Variants in EED observed in about 807,000 individuals in gnomAD.
EED encodes embryonic ectoderm development, also known as polycomb protein EED.
EED carries 9 observed loss-of-function variants against 61.0 expected under a neutral mutation model. The ratio of observed to expected loss-of-function variants is 0.15; its 90% confidence interval spans 0.09 to 0.26. The LOEUF (loss-of-function observed/expected upper bound fraction) is 0.26. EED is among the 10% of genes least tolerant of loss of function. The pLI is 1.00. For missense variants in EED, 315 were observed against 542.3 expected (o/e 0.58, Z 4.16); for synonymous variants, 187 against 174.4 (o/e 1.07, Z -0.57).
At chr11:86,283,689 C>T (rs61904289), downstream of EED, among the ~76,000 whole-genome samples, 35,169 of 151,828 alleles carry the variant, frequency 0.23, 5,222 homozygotes, top group Non-Finnish European at 0.32. Flanking sequence ...ATTCAACGGA[C>T]GGGTTAGATT....
intron 9 of EED, among the ~76,000 whole-genome samples, chr11:86,268,839 A>C (rs959647355): frequency 6.6e-6 from 1 of 152,152 alleles, no homozygotes; most frequent in Admixed American, 6.5e-5. Flanking sequence ...GATAGTCAGT[A>C]TTGTTACAAG....
At chr11:86,251,126 A>G (rs1945520792) in intron 2 of EED, among the ~76,000 whole-genome samples, 1 of 152,074 alleles carries the variant, frequency 6.6e-6, no homozygotes, top group South Asian at 2.1e-4. Flanking sequence ...ATACATATGT[A>G]AGTTAAAACC....
At chr11:86,265,836 A>T (rs547620796) in intron 7 of EED, 1 of 254,912 alleles carries the variant, frequency 3.9e-6, no homozygotes, top group African/African-American at 2.2e-5. Flanking sequence ...GATAAAACTA[A>T]GTTTAAGTAA....
intron 11 of EED, 119 bp downstream of exon 11, chr11:86,278,110 G>T (rs184412136): frequency 1.5e-6 from 2 of 1,369,744 alleles, no homozygotes; most frequent in Non-Finnish European, 1.9e-6. Context: ...AACATTTACT[G>T]TTTTCAGAGT....
intron 1 of EED, among the ~76,000 whole-genome samples, chr11:86,248,688 A>T (rs1331193378): frequency 6.6e-6 from 1 of 152,178 alleles, no homozygotes; most frequent in Non-Finnish European, 1.5e-5. Context: ...TCTACTGTAG[A>T]GACAAAATTT....
chr11:86,259,611 C>A (rs1426523493), intron 6 of EED, among the ~76,000 whole-genome samples: 1 of 152,190 alleles, frequency 6.6e-6, no homozygotes, highest in Non-Finnish European at 1.5e-5. Flanking sequence ...AGCCATGATT[C>A]CCAGCTAATA....
intron 1 of EED, among the ~76,000 whole-genome samples, chr11:86,247,081 G>A (rs969562491): frequency 2.4e-4 from 36 of 152,152 alleles, no homozygotes; most frequent in African/African-American, 8.4e-4. Context: ...GAAACTGTCA[G>A]ACCTGTTTAG....
intron 2 of EED, among the ~76,000 whole-genome samples, chr11:86,250,893 T>C (rs1945514715): frequency 6.6e-6 from 1 of 152,060 alleles, no homozygotes; most frequent in African/African-American, 2.4e-5. Flanking sequence ...TTTATAACTG[T>C]TTTCAAAGAA....
rs530124072 is a variant in EED at position 86,272,648 on chromosome 11, G to A, written c.966+4087G>A. On this transcript the variant is annotated intron_variant, in intron 9 of 11. Transcript: ENST00000263360. ...CTCTTTCTCCTTTCAGTTCTGTCAC[G>A]TTTTGCAGTTCTATTGTTCATGCAT... Among the ~76,000 whole-genome samples the A allele has an allele frequency of 2.0e-5, 3 of 152,160 alleles. 1 individual carries two copies. The highest frequency in any genetic ancestry group is 7.2e-5 in the African/African-American group (3 of 41,532).
chr11:86,272,303 C>T (rs1485423556), intron 9 of EED, among the ~76,000 whole-genome samples: 1 of 151,486 alleles, frequency 6.6e-6, no homozygotes, highest in Non-Finnish European at 1.5e-5. Flanking sequence ...GGTGATCCAC[C>T]TGCTTCGGCC....
chr11:86,245,361 C>G lies in EED; in HGVS notation c.114+18C>G. ...ACGAGAATGTAAGTGCAGCTTCTGG[C>G]AGTTACGAGACTGCGGAGTGAAAGT... is the stretch of plus-strand genomic sequence containing the variant. On this transcript the variant is annotated intron_variant, in intron 1 of 11. Transcript: ENST00000263360. 2 of 1,588,642 alleles carry G rather than the reference C, an allele frequency of 1.3e-6. No homozygotes were observed. The highest frequency in any genetic ancestry group is 1.7e-6 in the Non-Finnish European group (2 of 1,159,818).
chr11:86,271,371 C>T (rs1459406267), intron 9 of EED, among the ~76,000 whole-genome samples: 4 of 152,100 alleles, frequency 2.6e-5, no homozygotes, highest in Admixed American at 2.0e-4. Context: ...GCATATTGAT[C>T]TTGAATCTTG....
intron 9 of EED, among the ~76,000 whole-genome samples, chr11:86,273,981 G>A (rs1946173499): frequency 6.6e-6 from 1 of 152,084 alleles, no homozygotes; most frequent in East Asian, 1.9e-4. Flanking sequence ...TTTGTCCCAG[G>A]TTTGGAAAGT....
intron 6 of EED, chr11:86,263,922 C>A (rs934255451): frequency 2.3e-6 from 1 of 442,904 alleles, no homozygotes. Context: ...GGCCCCAGCT[C>A]ACACCACTAT....
intron 3 of EED, among the ~76,000 whole-genome samples, chr11:86,254,571 G>A (rs1049083577): frequency 3.3e-5 from 5 of 151,594 alleles, no homozygotes; most frequent in African/African-American, 9.7e-5. Context: ...CACCCGCCTC[G>A]GCCTCCCAAA....
At position 86,270,351 on chromosome 11, in the gene EED, TTG is replaced by T. The variant is rs1461276477; in HGVS notation, c.966+1794_966+1795del. On this transcript the variant is annotated intron_variant, in intron 9 of 11. Transcript: ENST00000263360. ...ATTTTCTAATTGGATTGGTTTTTTG[TTG>T]TGTTTTTTTTTTTTTTTTAACTGTT... 1.7e-4 allele frequency among the ~76,000 whole-genome samples: 14 copies of T among 82,360 alleles called. No homozygotes were observed. The South Asian group carries it at 2.3e-3, about 13-fold the overall frequency. 54.0% of individuals were successfully genotyped at this position (82,360 alleles called of 152,430 possible).
intron 8 of EED, among the ~76,000 whole-genome samples, chr11:86,267,240 G>A (rs569871054): frequency 6.6e-6 from 1 of 152,224 alleles, no homozygotes; most frequent in African/African-American, 2.4e-5. Flanking sequence ...GCAGAGTTAA[G>A]AATTTATATC....
intron 5 of EED, 41 bp from the exon 6 acceptor site, chr11:86,257,473 AT>A: frequency 6.6e-7 from 1 of 1,508,560 alleles, no homozygotes. Flanking sequence ...AAATTTACTG[AT>A]TTTGAGATAG....
At chr11:86,261,826 G>C (rs1429683255) in intron 6 of EED, among the ~76,000 whole-genome samples, 1 of 152,202 alleles carries the variant, frequency 6.6e-6, no homozygotes, top group African/African-American at 2.4e-5. Context: ...GGAGCAAAGT[G>C]CTGAAGTGGC....
Sources: allele counts gnomAD v4.1 joint callset (sites outside exome capture counted in the v4.1 genomes callset), GRCh38; gene constraint gnomAD v4.1.1; transcripts MANE v1.5; gene names NCBI Gene and HGNC (gene_info 2026-07-23, HGNC 2026-07-21).